The following AK8 variants were observed in gnomAD, a reference collection of about 807,000 sequenced individuals.
AK8 encodes the protein ATP-AMP transphosphorylase 8.
A neutral mutation model predicts 54.6 loss-of-function variants in AK8; 44 were observed. That is an observed-to-expected ratio of 0.81 (90% CI 0.63 to 1.04). The LOEUF (loss-of-function observed/expected upper bound fraction) is 1.04, where lower values mean the gene tolerates loss of function less well. AK8 is among the 50% of genes least tolerant of loss of function. The pLI, the probability that AK8 is intolerant of heterozygous loss-of-function variation, is 0.00. For synonymous variants in AK8, 239 were observed against 245.6 expected (o/e 0.97, Z 0.25); for missense variants, 555 against 613.6 (o/e 0.90, Z 1.01).
intron 12 of AK8, among the ~76,000 whole-genome samples, chr9:132,726,465 A>C (rs1397634762): frequency 6.6e-6 from 1 of 152,012 alleles, no homozygotes; most frequent in Non-Finnish European, 1.5e-5. Context: ...AAGGGGTTTC[A>C]CCATGTTGGC....
intron 11 of AK8, among the ~76,000 whole-genome samples, chr9:132,780,629 C>T (rs1406079491): frequency 6.6e-6 from 1 of 152,158 alleles, no homozygotes; most frequent in Non-Finnish European, 1.5e-5. Flanking sequence ...TCAGAAACCA[C>T]CACATCCTCA....
At chr9:132,863,929 G>A in intron 3 of AK8, 151 bp from the exon 4 acceptor site, 1 of 636,002 alleles carries the variant, frequency 1.6e-6, no homozygotes, top group African/African-American at 1.8e-5. Flanking sequence ...GGCCACCAAG[G>A]GAGACCCACC....
chr9:132,869,314 C>T (rs1046493459), intron 2 of AK8, among the ~76,000 whole-genome samples: 1 of 152,240 alleles, frequency 6.6e-6, no homozygotes, highest in African/African-American at 2.4e-5. Flanking sequence ...CAAGCAAGGC[C>T]ACCAAATGGG....
At chr9:132,741,251 C>T (rs1363908965) in intron 11 of AK8, among the ~76,000 whole-genome samples, 5 of 152,214 alleles carry the variant, frequency 3.3e-5, no homozygotes, top group East Asian at 1.9e-4. Flanking sequence ...CGAATCCCCC[C>T]GACACTGCTC....
Position 132,790,113 on chromosome 9 carries a change from T to G in AK8, c.1121+2521A>C, listed in dbSNP as rs1012899716. ...AACAATATGCCATGACCAAACCAGT[T>G]ACTATAGGAACAAAAGACTGGCTTA... On this transcript the variant is annotated intron_variant, in intron 11 of 12. Transcript: ENST00000298545. The surrounding 1 kb of genome is among the most constrained non-coding windows in gnomAD (Gnocchi z 4.1). Among the ~76,000 whole-genome samples the G allele has an allele frequency of 1.3e-5, 2 of 152,188 alleles. No individual in the cohort carries two copies. The highest frequency in any genetic ancestry group is 4.8e-5 in the African/African-American group (2 of 41,444).
intron 11 of AK8, among the ~76,000 whole-genome samples, chr9:132,741,858 C>T (rs534557866): frequency 2.1e-4 from 32 of 152,284 alleles, no homozygotes; most frequent in Middle Eastern, 3.4e-3. Context: ...TCTGTCTCTA[C>T]GGATTTTCCT....
chr9:132,793,518 C>T (rs1329382), intron 10 of AK8, among the ~76,000 whole-genome samples: 7,833 of 152,230 alleles, frequency 0.051, 698 homozygotes, highest in African/African-American at 0.18. Context: ...GCGCTAGCAA[C>T]GCCCACTCCC....
intron 11 of AK8, among the ~76,000 whole-genome samples, chr9:132,730,001 C>T (rs1307422310): frequency 6.6e-6 from 1 of 152,116 alleles, no homozygotes; most frequent in Non-Finnish European, 1.5e-5. Context: ...AAGCCGAATT[C>T]TGAGAGTCGT....
chr9:132,866,814 G>T, intron 3 of AK8, 90 bp downstream of exon 3: 1 of 1,230,924 alleles, frequency 8.1e-7, no homozygotes. Flanking sequence ...GCTCAGTTAT[G>T]CTACAAATTC....
chr9:132,732,544 T>G (rs1237387985), intron 11 of AK8, among the ~76,000 whole-genome samples: 1 of 152,072 alleles, frequency 6.6e-6, no homozygotes. Context: ...GCAAGGCTGA[T>G]CCAAGCCGGG....
chr9:132,862,858 G>A (rs1843444279), intron 4 of AK8, among the ~76,000 whole-genome samples: 1 of 152,162 alleles, frequency 6.6e-6, no homozygotes. Flanking sequence ...CAAGAATGGA[G>A]TGGTGGTCAC....
intron 11 of AK8, among the ~76,000 whole-genome samples, chr9:132,748,839 T>C (rs1283424743): frequency 6.6e-6 from 1 of 151,948 alleles, no homozygotes; most frequent in African/African-American, 2.4e-5. Context: ...ATTTCTTGGA[T>C]GGATAATTTT....
In AK8 at chr9:132,727,531, C is replaced by T. The variant is rs1055770540; in HGVS notation, c.1125G>A (p.Val375=). Reference sequence around the variant, plus strand: ...AATCAAATGGCACATTCAGGAAAAACACCCTATAAGGAAATAAACCATATT... The same window carrying T: ...AATCAAATGGCACATTCAGGAAAAATACCCTATAAGGAAATAAACCATATT... The part of the protein sequence containing the change: ...LNRLGYNPNR[V]FFLNVPFDSI... Residue 375 remains valine (V), a synonymous_variant, in exon 12 of 13, where the codon GTG becomes GTA. Transcript: ENST00000298545. 1 of 1,613,402 alleles carries T rather than the reference C, an allele frequency of 6.2e-7. No individual in the cohort carries two copies. Among genetic ancestry groups the T allele is most frequent in the African/African-American group, 1.3e-5 (1 of 74,902 alleles).
At chr9:132,732,208 TG>T (rs1836877101) in intron 11 of AK8, among the ~76,000 whole-genome samples, 3 of 152,086 alleles carry the variant, frequency 2.0e-5, no homozygotes, top group Non-Finnish European at 1.5e-5. Flanking sequence ...AATTAAACAA[TG>T]TTTTTTTCCA....
At chr9:132,828,842 A>G in intron 5 of AK8, 116 bp from the exon 6 acceptor site, 1 of 693,732 alleles carries the variant, frequency 1.4e-6, no homozygotes, top group East Asian at 3.0e-5. Flanking sequence ...GACAAAAAAA[A>G]TGTTTCTGAT....
chr9:132,863,913 G>C (rs1365772626), intron 3 of AK8, 135 bp from the exon 4 acceptor site: 3 of 697,874 alleles, frequency 4.3e-6, no homozygotes, highest in Non-Finnish European at 7.1e-6. Flanking sequence ...TTTCCAGCTG[G>C]AGGACGGCCA....
chr9:132,806,941 G>A (rs1840752104), intron 10 of AK8, among the ~76,000 whole-genome samples: 1 of 152,170 alleles, frequency 6.6e-6, no homozygotes, highest in Admixed American at 6.5e-5. Context: ...TAGGCCATGA[G>A]GGACCTTTCC....
intron 5 of AK8, among the ~76,000 whole-genome samples, chr9:132,841,014 G>A (rs1842521074): frequency 6.6e-6 from 1 of 152,138 alleles, no homozygotes; most frequent in South Asian, 2.1e-4. Context: ...CATGTAAAAA[G>A]CATCAACTCT....
In AK8 at chr9:132,725,709, G is replaced by A; in HGVS notation, c.1419C>T (p.Pro473=). 6.3e-7 allele frequency: 1 copy of A among 1,577,726 alleles called. No homozygotes were observed. The highest frequency in any genetic ancestry group is 8.6e-7 in the Non-Finnish European group (1 of 1,159,282). Residue 473 remains proline, a synonymous_variant, in exon 13 of 13, where the codon CCC becomes CCT. Transcript: ENST00000298545. ...FEYIESGIIN[P]LPKKIP ...CCCATCAGGGGATTTTCTTGGGCAG[G>A]GGATTAATGATCCCACTCTCGATGT...
Sources: gnomAD v4.1 joint callset for allele counts (sites outside exome capture counted in the v4.1 genomes callset) on GRCh38, gnomAD v4.1.1 for gene constraint, Gnocchi (gnomAD v3.1) non-coding constraint, MANE v1.5 for transcripts, NCBI Gene and HGNC (gene_info 2026-07-23, HGNC 2026-07-21) for gene names.